ITSN2: variants seen among roughly 807,000 people sequenced by gnomAD.
ITSN2 encodes intersectin 2.
In ITSN2, 156 loss-of-function variants were observed where a neutral mutation model predicts 243.7. The ratio of observed to expected loss-of-function variants is 0.64; its 90% CI spans 0.56 to 0.73. ITSN2 has a LOEUF of 0.73. ITSN2 is among the 30% of genes least tolerant of loss of function. The pLI is 0.00. For synonymous variants in ITSN2, 703 were observed against 699.9 expected (o/e 1.00, Z -0.07); for missense variants, 1,801 against 1,996.1 (o/e 0.90, Z 1.86).
In ITSN2 at chr2:24,319,440, G is replaced by A. The variant is rs193265568; in HGVS notation, c.32-4216C>T. Among the ~76,000 whole-genome samples the A allele has an allele frequency of 8.9e-4, 136 of 152,242 alleles. 1 individual carries two copies. Among genetic ancestry groups the A allele is most frequent in the Middle Eastern group, 3.4e-3 (1 of 294 alleles). ...ATTGTTGGAAGCACCTTATGAGTCTGCCATCCCCCATCAGGAGCCTTATCA... is the reference window on the plus strand; with the variant it reads ...ATTGTTGGAAGCACCTTATGAGTCTACCATCCCCCATCAGGAGCCTTATCA... On this transcript the variant is annotated intron_variant, in intron 2 of 39. Coordinates refer to ENST00000355123, the MANE Select transcript of ITSN2 (RefSeq NM_006277.3).
chr2:24,205,306 G>A lies in ITSN2; in HGVS notation c.4679-9C>T. 3 of 1,611,786 alleles carry A rather than the reference G, an allele frequency of 1.9e-6. No individual in the cohort carries two copies. The highest frequency in any genetic ancestry group is 2.5e-6 in the Non-Finnish European group (3 of 1,177,962). On this transcript the variant is annotated splice_polypyrimidine_tract_variant and intron_variant, in intron 37 of 39. Coordinates refer to ENST00000355123, the MANE Select transcript of ITSN2 (RefSeq NM_006277.3). The stretch of plus-strand genomic sequence containing the variant: ...AGTCTTTTGGGAGCGGGCTACAAAA[G>A]AGGAAGACAAGTCTCATTAATCTCT...
rs770144635 is a variant in ITSN2, at chr2:24,315,185, G to C, written c.71C>G (p.Thr24Ser). 4 of 1,612,518 alleles carry C rather than the reference G, an allele frequency of 2.5e-6. No homozygotes were observed. The African/African-American group carries it at 5.3e-5, about 22-fold the overall frequency. ...NMWAITSEER[T>S]KHDRQFDNLK... ...GTTATCAAACTGCCTGTCATGCTTA[G>C]TACGTTCTTCAGAGGTAATAGCCCA... Residue 24 changes from threonine to serine, a missense_variant, in exon 3 of 40, where the codon ACT becomes AGT. Thr to Ser is a moderately conservative substitution (Grantham distance 58, BLOSUM62 1). Around this residue, in one of 5 missense-constraint regions of ITSN2, gnomAD observed 77 missense variants for 90.1 expected, o/e 0.85. Coordinates refer to ENST00000355123, the MANE Select transcript of ITSN2 (RefSeq NM_006277.3).
At chr2:24,307,921 A>G (rs1682764130) in intron 8 of ITSN2, among the ~76,000 whole-genome samples, 1 of 152,220 alleles carries the variant, frequency 6.6e-6, no homozygotes, top group African/African-American at 2.4e-5. Flanking sequence ...TGAACTCTTC[A>G]GCTTCAATAT....
chr2:24,322,101 T>C (rs1192577112), intron 2 of ITSN2, among the ~76,000 whole-genome samples: 1 of 152,178 alleles, frequency 6.6e-6, no homozygotes, highest in Non-Finnish European at 1.5e-5. Context: ...ATGCCACCTC[T>C]ATAAACTAGG....
At position 24,309,823 on chromosome 2, in the gene ITSN2, C is replaced by T. The variant is rs144642335; in HGVS notation, c.653+461G>A. ...CTTCTGGGTCAAATCTAACACTCTC[C>T]GTACACTACCCTGAAGAGTATAATA... On this transcript the variant is annotated intron_variant, in intron 7 of 39. Transcript: ENST00000355123. 2.8e-4 allele frequency among the ~76,000 whole-genome samples: 43 copies of T among 152,252 alleles called. 1 individual carries two copies. Among genetic ancestry groups the T allele is most frequent in the East Asian group, 1.4e-3 (7 of 5,184 alleles).
At position 24,205,210 on chromosome 2, in the gene ITSN2, T is replaced by G. The variant is rs776165205; in HGVS notation, c.4762+4A>C. 7 of 1,612,514 alleles carry G rather than the reference T, an allele frequency of 4.3e-6. No homozygotes were observed. In the African/African-American group the frequency reaches 8.0e-5, roughly 18 times the overall value. Reference sequence around the variant, plus strand: ...TCTGCTGAATGAATCAAGGCAGTATTTACCATTTGGTTTGCAGGCTTTTAA... The same window carrying G: ...TCTGCTGAATGAATCAAGGCAGTATGTACCATTTGGTTTGCAGGCTTTTAA... On this transcript the variant is annotated splice_donor_region_variant and intron_variant, in intron 38 of 39. Coordinates refer to ENST00000355123, the MANE Select transcript of ITSN2 (RefSeq NM_006277.3).
At chr2:24,321,016 T>A (rs1262812776) in intron 2 of ITSN2, among the ~76,000 whole-genome samples, 1 of 152,194 alleles carries the variant, frequency 6.6e-6, no homozygotes, top group Admixed American at 6.5e-5. Flanking sequence ...TTGCTAGAAG[T>A]CAAGACAATG....
chr2:24,310,317 T>C lies in ITSN2; in HGVS notation c.620A>G (p.Lys207Arg), dbSNP rs1180737129. 2 of 1,613,758 alleles carry C rather than the reference T, an allele frequency of 1.2e-6. No homozygotes were observed. Among genetic ancestry groups the C allele is most frequent in the South Asian group, 2.2e-5 (2 of 91,060 alleles). Residue 207 changes from lysine to arginine, a missense_variant, in exon 7 of 40, where the codon AAA becomes AGA. Around this residue, in one of 5 missense-constraint regions of ITSN2, gnomAD observed 787 missense variants for 803.9 expected, o/e 0.98. Coordinates refer to ENST00000355123, the MANE Select transcript of ITSN2 (RefSeq NM_006277.3). ...TCCTAAATCAATCAGAGACTGCGCT[T>C]TCTGTATACTAGCACCTCCAAATCC... is the stretch of plus-strand genomic sequence containing the variant. ...MGGFGGASIQ[K>R]AQSLIDLGSS...
At chr2:24,337,062 CTT>C (rs754030975) in intron 1 of ITSN2, among the ~76,000 whole-genome samples, 9 of 136,848 alleles carry the variant, frequency 6.6e-5, no homozygotes, top group Admixed American at 2.2e-4. Context: ...CTTGGCTTTT[CTT>C]TTTTTTTTTT....
chr2:24,255,686 G>A (rs1394370128), intron 23 of ITSN2, among the ~76,000 whole-genome samples: 1 of 152,040 alleles, frequency 6.6e-6, no homozygotes, highest in African/African-American at 2.4e-5. Context: ...TAGCACTTTG[G>A]GAGGCCAAGG....
intron 1 of ITSN2, among the ~76,000 whole-genome samples, chr2:24,343,922 GCGGACTCCA>G (rs1687284059): frequency 6.6e-6 from 1 of 152,088 alleles, no homozygotes; most frequent in African/African-American, 2.4e-5. Flanking sequence ...AACTTACTAA[GCGGACTCCA>G]CAGACAGGGG....
In ITSN2 at chr2:24,315,120, A is replaced by G. The variant is rs1297938481; in HGVS notation, c.124+12T>C. On this transcript the variant is annotated intron_variant, in intron 3 of 39. Coordinates refer to ENST00000355123, the MANE Select transcript of ITSN2 (RefSeq NM_006277.3). ...CCATAATTCACTAATAAAACTAATT[A>G]TAAATACAAACCTGTTATGTAACCT... 1.4e-6 allele frequency: 2 copies of G among 1,473,722 alleles called. No individual in the cohort carries two copies. Among genetic ancestry groups the G allele is most frequent in the Non-Finnish European group, 1.9e-6 (2 of 1,062,416 alleles). 91.3% of individuals were successfully genotyped at this position (1,473,722 alleles called of 1,614,324 possible). A position where few individuals can be genotyped will look rare whatever the true frequency, so the allele number is the denominator to read the frequency against.
chr2:24,227,097 T>C (rs1671100394), intron 29 of ITSN2, among the ~76,000 whole-genome samples: 3 of 151,690 alleles, frequency 2.0e-5, no homozygotes, highest in Admixed American at 2.0e-4. Flanking sequence ...GCCTGGGCGA[T>C]ACAGCAAGAC....
intron 15 of ITSN2, among the ~76,000 whole-genome samples, chr2:24,288,358 TATTTC>T (rs769312801): frequency 9.2e-5 from 14 of 152,270 alleles, no homozygotes; most frequent in Non-Finnish European, 1.8e-4. Flanking sequence ...CTCTCTATTC[TATTTC>T]ATAAGTCTGT....
chr2:24,230,677 A>T (rs1444919967), intron 29 of ITSN2, among the ~76,000 whole-genome samples: 1 of 152,106 alleles, frequency 6.6e-6, no homozygotes, highest in Non-Finnish European at 1.5e-5. Flanking sequence ...CCGAGGCTGG[A>T]GAATTGCTTG....
intron 23 of ITSN2, among the ~76,000 whole-genome samples, chr2:24,257,517 C>T (rs1221323992): frequency 1.3e-5 from 2 of 151,262 alleles, no homozygotes; most frequent in East Asian, 3.9e-4. Flanking sequence ...AGTGCAATGG[C>T]GTCATCTTGG....
intron 1 of ITSN2, among the ~76,000 whole-genome samples, chr2:24,352,457 T>C (rs1252339054): frequency 6.6e-6 from 1 of 152,172 alleles, no homozygotes; most frequent in African/African-American, 2.4e-5. Context: ...TTAATCAATA[T>C]TTGAGAAAAA....
chr2:24,217,013 G>A (rs1670023968), intron 31 of ITSN2, among the ~76,000 whole-genome samples: 1 of 151,918 alleles, frequency 6.6e-6, no homozygotes, highest in African/African-American at 2.4e-5. Flanking sequence ...GAACCCGGGA[G>A]GCGGAGCTGG....
intron 7 of ITSN2, among the ~76,000 whole-genome samples, chr2:24,309,840 A>C (rs917951626): frequency 6.6e-6 from 1 of 152,334 alleles, no homozygotes; most frequent in African/African-American, 2.4e-5. Context: ...TACCCTGAAG[A>C]GTATAATAGT....
Sources: allele counts gnomAD v4.1 joint callset (sites outside exome capture counted in the v4.1 genomes callset), GRCh38; gene constraint gnomAD v4.1.1; regional missense constraint gnomAD v4.1.1; transcripts MANE v1.5; gene names NCBI Gene and HGNC (gene_info 2026-07-23, HGNC 2026-07-21).